ELMO1: variants seen among roughly 807,000 people sequenced by gnomAD.
ELMO1 encodes the protein engulfment and cell motility protein 1.
In ELMO1, 26 loss-of-function variants were observed where a neutral mutation model predicts 98.9. The observed-to-expected ratio is 0.26, with a 90% confidence interval of 0.19 to 0.36. The LOEUF is 0.36. Ranked by LOEUF, ELMO1 falls within the 10% of genes least tolerant of loss-of-function variation. ELMO1 has a pLI of 1.00. For synonymous variants in ELMO1, 346 were observed against 346.0 expected (o/e 1.00, Z 0.00); for missense variants, 627 against 935.2 (o/e 0.67, Z 4.30).
chr7:37,104,010 C>CAAAAAAAAAAAAAAAAAAAAAAAAAA (rs35979251), intron 14 of ELMO1, among the ~76,000 whole-genome samples: 1 of 29,002 alleles, frequency 3.4e-5, no homozygotes, highest in African/African-American at 7.6e-5. Flanking sequence ...GACTCCATCT[C>CAAAAAAAAAAAAAAAAAAAAAAAAAA]AAAAAAAAAA....
At chr7:36,923,872 G>C (rs555628847) in intron 16 of ELMO1, among the ~76,000 whole-genome samples, 1 of 152,278 alleles carries the variant, frequency 6.6e-6, no homozygotes, top group South Asian at 2.1e-4. Flanking sequence ...GGACATTCCA[G>C]GCAAAGCTGT....
At chr7:37,039,272 TTC>T (rs1164939782) in intron 15 of ELMO1, among the ~76,000 whole-genome samples, 2 of 152,186 alleles carry the variant, frequency 1.3e-5, no homozygotes, top group East Asian at 1.9e-4. Flanking sequence ...TCAACTGGTT[TTC>T]TCTGTTTCAA....
chr7:37,076,885 GTGTATC>G (rs1797611445), intron 15 of ELMO1, among the ~76,000 whole-genome samples: 1 of 152,248 alleles, frequency 6.6e-6, no homozygotes, highest in African/African-American at 2.4e-5. Context: ...AGCACAGGCT[GTGTATC>G]TGGCACTGCG....
At chr7:37,281,272 T>C (rs569977152) in intron 4 of ELMO1, among the ~76,000 whole-genome samples, 6 of 151,922 alleles carry the variant, frequency 3.9e-5, no homozygotes, top group African/African-American at 1.4e-4. Flanking sequence ...ACTACAAATA[T>C]GGTGCAGTGT....
intron 1 of ELMO1, 79 bp downstream of exon 1, chr7:37,448,596 C>G (rs1192401449): frequency 6.6e-6 from 1 of 152,196 alleles, no homozygotes; most frequent in Non-Finnish European, 1.5e-5. Flanking sequence ...CTCCTCCCGG[C>G]CCCAGTCCCG....
chr7:36,908,296 A>ACCATTTTC (rs889328697), intron 16 of ELMO1, among the ~76,000 whole-genome samples: 1 of 152,204 alleles, frequency 6.6e-6, no homozygotes, highest in African/African-American at 2.4e-5. Context: ...TAGCACAACC[A>ACCATTTTC]CCATTTTCCT....
chr7:37,147,866 A>G (rs10265823), intron 13 of ELMO1, among the ~76,000 whole-genome samples: 12,376 of 150,652 alleles, frequency 0.082, 620 homozygotes, highest in African/African-American at 0.14. Flanking sequence ...TTAGCCCAGG[A>G]AATAAAAAGA....
chr7:37,440,117 C>T (rs1805338541), intron 1 of ELMO1, among the ~76,000 whole-genome samples: 1 of 152,000 alleles, frequency 6.6e-6, no homozygotes, highest in African/African-American at 2.4e-5. Context: ...GAGTGGCCCA[C>T]AATTGGAATA....
Position 36,908,293 on chromosome 7 carries a change from A to T in ELMO1, c.1438-13276T>A, listed in dbSNP as rs1249869313. Among the ~76,000 whole-genome samples the T allele has an allele frequency of 2.0e-5, 3 of 152,214 alleles. No homozygotes were observed. The East Asian group carries it at 5.8e-4, about 29-fold the overall frequency. The stretch of plus-strand genomic sequence containing the variant: ...TCTAGACCTACTGATGTTTAGCACA[A>T]CCACCATTTTCCTTCTTTTCAAATT... On this transcript the variant is annotated intron_variant, in intron 16 of 21. Transcript: ENST00000310758.
intron 1 of ELMO1, among the ~76,000 whole-genome samples, chr7:37,420,358 T>C (rs146003268): frequency 6.6e-6 from 1 of 152,368 alleles, no homozygotes; most frequent in African/African-American, 2.4e-5. Flanking sequence ...TAAGAAACCG[T>C]AATCTTCAGA....
At chr7:37,363,173 C>T (rs185655532) in intron 1 of ELMO1, among the ~76,000 whole-genome samples, 11 of 152,216 alleles carry the variant, frequency 7.2e-5, no homozygotes, top group Admixed American at 6.5e-5. Context: ...GGTGCTTGTG[C>T]CAGACCAAGG....
At chr7:37,025,863 TTC>T (rs564642920) in intron 15 of ELMO1, among the ~76,000 whole-genome samples, 142 of 150,344 alleles carry the variant, frequency 9.4e-4, no homozygotes, top group Non-Finnish European at 1.1e-3. Context: ...TTTATAAGGA[TTC>T]TCTGTCTCTC....
intron 2 of ELMO1, among the ~76,000 whole-genome samples, chr7:37,341,628 T>G (rs1034717803): frequency 6.6e-6 from 1 of 152,248 alleles, no homozygotes; most frequent in Non-Finnish European, 1.5e-5. Flanking sequence ...TATAATTCAT[T>G]TTAATGATTC....
chr7:37,008,173 C>T (rs1793277651), intron 16 of ELMO1, among the ~76,000 whole-genome samples: 1 of 152,180 alleles, frequency 6.6e-6, no homozygotes, highest in African/African-American at 2.4e-5. Flanking sequence ...TCTAAAGTAA[C>T]GCCAATGCTA....
At chr7:37,072,840 C>T (rs1047408222) in intron 15 of ELMO1, among the ~76,000 whole-genome samples, 5 of 152,194 alleles carry the variant, frequency 3.3e-5, no homozygotes, top group South Asian at 2.1e-4. Context: ...ATGGACAATA[C>T]ATATGTCAAA....
Position 36,985,127 on chromosome 7 carries a change from A to G in ELMO1, c.1437+28172T>C, listed in dbSNP as rs1026461828. 25 of 984,876 alleles carry G rather than the reference A, an allele frequency of 2.5e-5. No individual in the cohort carries two copies. In the African/African-American group the frequency reaches 3.7e-4, roughly 14 times the overall value. 61.0% of individuals were successfully genotyped at this position (984,876 alleles called of 1,614,324 possible). The stretch of plus-strand genomic sequence containing the variant: ...ACCCAACGAAATTGAAAATTTCATC[A>G]CCAGTGTCAGAAAATTAAACCCCAG... On this transcript the variant is annotated intron_variant, in intron 16 of 21. Coordinates refer to ENST00000310758, the MANE Select transcript of ELMO1 (RefSeq NM_014800.11).
intron 5 of ELMO1, chr7:37,269,785 T>A (rs117191551): frequency 6.6e-6 from 1 of 152,160 alleles, no homozygotes; most frequent in Non-Finnish European, 1.5e-5. Flanking sequence ...GGCTTTCACA[T>A]CTTTCCATTC....
chr7:37,287,254 T>A (rs1249181956), intron 4 of ELMO1, among the ~76,000 whole-genome samples: 1 of 152,066 alleles, frequency 6.6e-6, no homozygotes, highest in Non-Finnish European at 1.5e-5. Flanking sequence ...AATGCACGTG[T>A]CAGCAATCTT....
At chr7:37,048,291 G>C (rs1181083137) in intron 15 of ELMO1, among the ~76,000 whole-genome samples, 13 of 152,224 alleles carry the variant, frequency 8.5e-5, no homozygotes, top group Non-Finnish European at 1.9e-4. Context: ...CTCACTGAGA[G>C]TCACTAATTT....
Sources: allele counts gnomAD v4.1 joint callset (sites outside exome capture counted in the v4.1 genomes callset), GRCh38; gene constraint gnomAD v4.1.1; transcripts MANE v1.5; gene names NCBI Gene and HGNC (gene_info 2026-07-23, HGNC 2026-07-21).